ADGRV1: variants seen among roughly 807,000 people sequenced by gnomAD.
The protein encoded by ADGRV1 is adhesion G protein-coupled receptor V1.
Under a neutral mutation model 596.2 loss-of-function variants are expected in ADGRV1, and 359 were observed. The ratio of observed to expected loss-of-function variants is 0.60; its 90% CI spans 0.55 to 0.66. ADGRV1 has a LOEUF of 0.66. ADGRV1 is among the 30% of genes least tolerant of loss of function. ADGRV1 has a pLI of 0.00. For synonymous variants in ADGRV1, 2,681 were observed against 2,679.2 expected, an observed-to-expected ratio of 1.00 and a Z score of -0.02; for missense variants, 7,274 against 7,575.6, an observed-to-expected ratio of 0.96 and a Z score of 1.48.
At position 90,674,301 on chromosome 5, in the gene ADGRV1, C is replaced by T. The variant is rs1217811192; in HGVS notation, c.5110+67C>T. On this transcript the variant is annotated intron_variant, in intron 23 of 89. Coordinates refer to ENST00000405460, the MANE Select transcript of ADGRV1 (RefSeq NM_032119.4). The stretch of plus-strand genomic sequence containing the variant: ...GTGTACTTAGTTTTGTTAAGAACTT[C>T]TTAAGGCACTTTTTGCAAATGACGG... 6.2e-6 allele frequency: 8 copies of T among 1,282,646 alleles called. No individual in the cohort carries two copies. In the East Asian group the frequency reaches 2.0e-4, roughly 33 times the overall value. The allele number at this position is 1,282,646 out of a possible 1,614,324, so 79.5% of individuals were successfully genotyped here. A position where few individuals can be genotyped will look rare whatever the true frequency, so the allele number is the denominator to read the frequency against.
intron 83 of ADGRV1, among the ~76,000 whole-genome samples, chr5:90,881,447 C>A (rs2150544080): frequency 6.6e-6 from 1 of 152,112 alleles, no homozygotes; most frequent in African/African-American, 2.4e-5. Flanking sequence ...AATGTGCTAC[C>A]ATTTAATAGG....
rs542716344 is a variant in ADGRV1 at position 90,783,228 on chromosome 5, G to A, written c.13336G>A (p.Gly4446Arg). ...FISQSSSASPGGVDYILHGST... is the reference protein window; with the variant it reads ...FISQSSSASPRGVDYILHGST... ...CTCTCAGAGCTCCTCTGCCAGTCCC[G>A]GAGGTGTTGATTACATTTTGCATGG... The change falls in exon 66 of 90, where the codon GGA becomes AGA. Residue 4446 changes from glycine (G) to arginine (R), a missense_variant. Gly to Arg is a moderately radical substitution (Grantham distance 125). Coordinates refer to ENST00000405460, the MANE Select transcript of ADGRV1 (RefSeq NM_032119.4). 344 of 1,613,500 alleles carry A rather than the reference G, an allele frequency of 2.1e-4. 1 individual carries two copies. In the South Asian group the frequency reaches 3.3e-3, roughly 16 times the overall value.
In ADGRV1 at chr5:90,828,799, G is replaced by T. The variant is rs373175747; in HGVS notation, c.16369-145G>T. On this transcript the variant is annotated intron_variant, in intron 76 of 89. Transcript: ENST00000405460. ...CATGATAATCTAAGAATTTAATTCC[G>T]TAATTATACAGAATATATCTCTAGA... 9.0e-6 allele frequency: 4 copies of T among 442,788 alleles called. No homozygotes were observed. In the Admixed American group the frequency reaches 1.4e-4, roughly 15 times the overall value. 27.4% of individuals were successfully genotyped at this position (442,788 alleles called of 1,614,324 possible).
At position 90,829,067 on chromosome 5, in the gene ADGRV1, G is replaced by A. The variant is rs367929904; in HGVS notation, c.16492G>A (p.Val5498Met). ...ILESDESQSL[V>M]YFSVGSRLAV... ...AGAAAGTGATGAATCTCAAAGCCTT[G>A]TGTATTTTTCTGTGGGTTCTCGGCT... The change falls in exon 77 of 90, where the codon GTG becomes ATG. Residue 5498 changes from valine (V) to methionine (M), a missense_variant. Transcript: ENST00000405460. The A allele has an allele frequency of 1.2e-6, 2 of 1,612,772 alleles. No homozygotes were observed. Among genetic ancestry groups the A allele is most frequent in the African/African-American group, 2.7e-5 (2 of 74,870 alleles).
At chr5:90,974,990 A>G (rs1263408774) in intron 84 of ADGRV1, among the ~76,000 whole-genome samples, 1 of 150,546 alleles carries the variant, frequency 6.6e-6, no homozygotes, top group Non-Finnish European at 1.5e-5. Context: ...CAAAGCACTC[A>G]AACAAATTTA....
intron 72 of ADGRV1, among the ~76,000 whole-genome samples, chr5:90,805,736 A>G (rs1398164789): frequency 6.6e-6 from 1 of 152,224 alleles, no homozygotes; most frequent in Non-Finnish European, 1.5e-5. Flanking sequence ...AGTAGTTCTA[A>G]GAATCTAATT....
chr5:90,799,296 G>C (rs751464610), intron 70 of ADGRV1, among the ~76,000 whole-genome samples: 2 of 152,118 alleles, frequency 1.3e-5, no homozygotes, highest in East Asian at 3.8e-4. Flanking sequence ...AACAAACAGA[G>C]AGCCAGATCA....
At chr5:90,644,129 A>G (rs532738637) in intron 14 of ADGRV1, 146 bp downstream of exon 14, 103 of 582,096 alleles carry the variant, frequency 1.8e-4, no homozygotes, top group South Asian at 2.8e-5. Context: ...TTTTAGAATC[A>G]TATTTAGGAC....
chr5:91,092,695 T>G (rs978779162), intron 86 of ADGRV1: 3 of 152,056 alleles, frequency 2.0e-5, no homozygotes, highest in African/African-American at 4.8e-5. Flanking sequence ...GGAGGGAAAC[T>G]TAGGGGCAGA....
intron 29 of ADGRV1, 133 bp downstream of exon 29, chr5:90,686,128 C>A (rs1051554727): frequency 4.9e-6 from 2 of 406,102 alleles, no homozygotes; most frequent in Non-Finnish European, 8.0e-6. Context: ...ACTCTTGTAT[C>A]TTTTTCAAGG....
chr5:91,129,883 A>G (rs1794067401), intron 87 of ADGRV1, among the ~76,000 whole-genome samples: 1 of 152,210 alleles, frequency 6.6e-6, no homozygotes, highest in Admixed American at 6.5e-5. Context: ...AGAGTCTGAG[A>G]GAACACAGAT....
intron 50 of ADGRV1, among the ~76,000 whole-genome samples, chr5:90,734,677 C>T (rs1752991326): frequency 6.6e-6 from 1 of 150,940 alleles, no homozygotes; most frequent in African/African-American, 2.4e-5. Flanking sequence ...CCTCTGCCTC[C>T]CGGGTTCAAG....
At chr5:90,740,619 C>T (rs1276923166) in intron 50 of ADGRV1, among the ~76,000 whole-genome samples, 3 of 152,080 alleles carry the variant, frequency 2.0e-5, no homozygotes, top group African/African-American at 2.4e-5. Context: ...AAGGCAGAGC[C>T]GCCACCAAGA....
chr5:91,034,630 C>G (rs1784725351), intron 85 of ADGRV1, among the ~76,000 whole-genome samples: 3 of 152,152 alleles, frequency 2.0e-5, no homozygotes, highest in Admixed American at 1.3e-4. Context: ...CCTGTATTAT[C>G]TCTCTCCACT....
At chr5:90,635,902 C>CTT (rs34780360) in intron 10 of ADGRV1, among the ~76,000 whole-genome samples, 4 of 141,792 alleles carry the variant, frequency 2.8e-5, no homozygotes, top group African/African-American at 2.6e-5. Context: ...GCCTATAAAC[C>CTT]TTTTTTTTTT....
intron 33 of ADGRV1, among the ~76,000 whole-genome samples, chr5:90,695,782 G>A (rs543658666): frequency 6.6e-6 from 1 of 152,106 alleles, no homozygotes; most frequent in Admixed American, 6.6e-5. Context: ...AGGATTTAGT[G>A]GGATATGATA....
chr5:90,780,206 A>T (rs536666648), intron 64 of ADGRV1: 1 of 152,270 alleles, frequency 6.6e-6, no homozygotes, highest in Non-Finnish European at 1.5e-5. Context: ...AGCAGTTTCT[A>T]TGTAAGTTTA....
chr5:90,826,709 C>A (rs1247153203), intron 76 of ADGRV1, among the ~76,000 whole-genome samples: 1 of 152,154 alleles, frequency 6.6e-6, no homozygotes, highest in African/African-American at 2.4e-5. Flanking sequence ...AGAAGAGTTA[C>A]AGATATTGCA....
chr5:90,843,304 G>A (rs1048625905), intron 78 of ADGRV1, among the ~76,000 whole-genome samples: 16 of 152,074 alleles, frequency 1.1e-4, no homozygotes, highest in Admixed American at 7.9e-4. Flanking sequence ...AAGGGGCACC[G>A]GTGCAGACAT....
Sources: gnomAD v4.1 joint callset for allele counts (sites outside exome capture counted in the v4.1 genomes callset) on GRCh38, gnomAD v4.1.1 for gene constraint, MANE v1.5 for transcripts, NCBI Gene and HGNC (gene_info 2026-07-23, HGNC 2026-07-21) for gene names.